The following TPM3 variants were observed in gnomAD, a reference collection of about 807,000 sequenced individuals.
TPM3 encodes tropomyosin alpha-3 chain.
In TPM3, 16 loss-of-function variants were observed where a neutral mutation model predicts 43.1. The observed-to-expected ratio is 0.37, with a 90% CI of 0.25 to 0.56. TPM3 has a LOEUF of 0.56. Among genes scored for constraint, TPM3 ranks in the 20% least tolerant of loss-of-function variants. The probability of loss-of-function intolerance (pLI) is 0.77; values close to 1 mark genes in which losing one functional copy is unlikely to be tolerated. For missense variants in TPM3, 176 were observed against 337.2 expected, an observed-to-expected ratio of 0.52 and a Z score of 3.74; for synonymous variants, 101 against 116.9, an observed-to-expected ratio of 0.86 and a Z score of 0.88.
intron 2 of TPM3, among the ~76,000 whole-genome samples, chr1:154,188,450 C>T (rs1008423384): frequency 1.3e-5 from 2 of 150,744 alleles, no homozygotes; most frequent in African/African-American, 2.5e-5. Context: ...CCGTGGCGGG[C>T]GGATCACAAG....
At chr1:154,158,717 G>T, downstream of TPM3, 2 of 486,766 alleles carry the variant, frequency 4.1e-6, no homozygotes, top group Non-Finnish European at 7.6e-6. Flanking sequence ...CAAAATTCTC[G>T]CAAGTTTTCT....
At chr1:154,175,638 C>G (rs1159027824) in intron 3 of TPM3, among the ~76,000 whole-genome samples, 3 of 152,158 alleles carry the variant, frequency 2.0e-5, no homozygotes, top group Non-Finnish European at 4.4e-5. Flanking sequence ...TGAGACCTTA[C>G]TTAGAGAACC....
At chr1:154,179,283 A>T (rs1260685064) in intron 2 of TPM3, among the ~76,000 whole-genome samples, 1 of 152,210 alleles carries the variant, frequency 6.6e-6, no homozygotes, top group Non-Finnish European at 1.5e-5. Flanking sequence ...CCCCACAGTA[A>T]ACAAAGGCGG....
intron 2 of TPM3, among the ~76,000 whole-genome samples, chr1:154,180,960 C>T (rs1376569682): frequency 6.6e-6 from 1 of 151,814 alleles, no homozygotes; most frequent in East Asian, 1.9e-4. Flanking sequence ...GCAGGAATCA[C>T]CCACCTTAGA....
chr1:154,155,322 T>C (rs1324548926), downstream of TPM3: 1 of 443,742 alleles, frequency 2.3e-6, no homozygotes, highest in African/African-American at 2.0e-5. Flanking sequence ...AAAAAAACCC[T>C]TTAATTTCTT....
At chr1:154,186,416 G>A (rs574761585) in intron 2 of TPM3, among the ~76,000 whole-genome samples, 96 of 151,608 alleles carry the variant, frequency 6.3e-4, no homozygotes, top group Non-Finnish European at 1.2e-3. Flanking sequence ...CAAACAGATG[G>A]ACTGACTCAT....
chr1:154,174,368 G>GTATGTATATA (rs1553249324), intron 3 of TPM3, among the ~76,000 whole-genome samples: 2 of 46,354 alleles, frequency 4.3e-5, no homozygotes, highest in Non-Finnish European at 8.6e-5. Flanking sequence ...AAATATATGT[G>GTATGTATATA]TATATATATA....
At chr1:154,156,234 AAAT>A (rs930424553), downstream of TPM3, 12 of 177,972 alleles carry the variant, frequency 6.7e-5, no homozygotes, top group Admixed American at 4.4e-4. Flanking sequence ...TTCATCTCAA[AAAT>A]AATAATAATA....
Position 154,167,662 on chromosome 1 carries a change from GC to G in TPM3, c.*274del. On this transcript the variant is annotated 3_prime_UTR_variant, in exon 10 of 10. Transcript: ENST00000651641. ...GTCAGAGGAGGGGGAGCCTACAATA[GC>G]TCTTCCCCACATCACACCCCCAAGG... The G allele has an allele frequency of 7.5e-7, 1 of 1,326,170 alleles. No homozygotes were observed. The allele number at this position is 1,326,170 out of a possible 1,614,324, so 82.2% of individuals were successfully genotyped here.
chr1:154,178,948 A>G (rs2148268713), intron 2 of TPM3, among the ~76,000 whole-genome samples: 1 of 152,132 alleles, frequency 6.6e-6, no homozygotes, highest in South Asian at 2.1e-4. Context: ...GCTATCCTCC[A>G]CTCCAAAGAG....
intron 2 of TPM3, chr1:154,183,150 G>C (rs878856679): frequency 2.5e-6 from 4 of 1,597,626 alleles, no homozygotes; most frequent in East Asian, 2.2e-5. Context: ...TCGCGCTCCG[G>C]TTCCTGCCTC....
At chr1:154,171,377 C>G in intron 6 of TPM3, 36 bp downstream of exon 6, 1 of 1,611,994 alleles carries the variant, frequency 6.2e-7, no homozygotes, top group Non-Finnish European at 8.5e-7. Context: ...TGGGCCCAGG[C>G]CCCAAAGCCT....
chr1:154,183,851 CCTT>C (rs1163972293), intron 2 of TPM3: 2 of 115,002 alleles, frequency 1.7e-5, no homozygotes, highest in East Asian at 3.6e-4. Context: ...AGACTTTTCT[CCTT>C]TTTTTTTTTT....
rs1035320461 is a variant in TPM3 at position 154,182,816 on chromosome 1, G to A, written c.244-6568C>T. Among the ~76,000 whole-genome samples, 15 of 152,068 alleles carry A rather than the reference G, an allele frequency of 9.9e-5. No homozygotes were observed. The Middle Eastern group carries it at 0.017, about 172-fold the overall frequency. ...CTCGCCCGAGCACTGTTTCCCCCTC[G>A]TCCGCTTGGTGTCCTACTGGTGCTG... is the stretch of plus-strand genomic sequence containing the variant. On this transcript the variant is annotated intron_variant, in intron 2 of 9. Transcript: ENST00000651641.
rs1363684144 is a variant in TPM3, at chr1:154,165,785, G to A, written c.*2152C>T. On this transcript the variant is annotated 3_prime_UTR_variant, in exon 10 of 10. Coordinates refer to ENST00000651641, the MANE Select transcript of TPM3 (RefSeq NM_152263.4). ...GCCTAGGTGACAAGAGTCAAACTCCGTCTCAAAAAAAAAAAAAAAAAGAAA... is the reference window on the plus strand; with the variant it reads ...GCCTAGGTGACAAGAGTCAAACTCCATCTCAAAAAAAAAAAAAAAAAGAAA... Among the ~76,000 whole-genome samples the A allele has an allele frequency of 6.3e-4, 80 of 127,450 alleles. No individual in the cohort carries two copies. The highest frequency in any genetic ancestry group is 4.0e-3 in the Admixed American group (47 of 11,804). 83.6% of individuals were successfully genotyped at this position (127,450 alleles called of 152,430 possible).
rs1661351482 is a variant in TPM3 at position 154,169,551 on chromosome 1, T to C, written c.776-168A>G. On this transcript the variant is annotated intron_variant, in intron 8 of 9. Coordinates refer to ENST00000651641, the MANE Select transcript of TPM3 (RefSeq NM_152263.4). ...AACCATGACTGGACATTTTCAGATCTACTCTCTCCTATGACCAACTTCCTT... is the reference window on the plus strand; with the variant it reads ...AACCATGACTGGACATTTTCAGATCCACTCTCTCCTATGACCAACTTCCTT... The C allele has an allele frequency of 5.9e-6, 4 of 680,386 alleles. No individual in the cohort carries two copies. The East Asian group carries it at 1.1e-4, about 19-fold the overall frequency. 42.1% of individuals were successfully genotyped at this position (680,386 alleles called of 1,614,324 possible).
chr1:154,188,013 G>GTTTGT (rs1663484017), intron 2 of TPM3, among the ~76,000 whole-genome samples: 1 of 151,344 alleles, frequency 6.6e-6, no homozygotes, highest in Non-Finnish European at 1.5e-5. Context: ...TTGTTTGTTT[G>GTTTGT]TTTGTTTTGT....
downstream of TPM3, chr1:154,156,709 G>T (rs11540108): frequency 1.0e-5 from 2 of 197,606 alleles, no homozygotes; most frequent in African/African-American, 4.6e-5. Flanking sequence ...AGCTATTCAA[G>T]ATTTCTCCAG....
At chr1:154,188,517 T>C (rs1276102198) in intron 2 of TPM3, among the ~76,000 whole-genome samples, 3 of 150,658 alleles carry the variant, frequency 2.0e-5, no homozygotes, top group Non-Finnish European at 2.9e-5. Context: ...CTACTAAAAA[T>C]ACAAAAAATT....
Sources: allele counts gnomAD v4.1 joint callset (sites outside exome capture counted in the v4.1 genomes callset), GRCh38; gene constraint gnomAD v4.1.1; transcripts MANE v1.5; gene names NCBI Gene and HGNC (gene_info 2026-07-23, HGNC 2026-07-21).